The following NUDT3 variants were observed in gnomAD, a reference collection of about 807,000 sequenced individuals.
The protein encoded by NUDT3 is diphosphoinositol polyphosphate phosphohydrolase 1.
Under a neutral mutation model 23.6 loss-of-function variants are expected in NUDT3, and 9 were observed. The observed-to-expected ratio is 0.38, with a 90% confidence interval of 0.23 to 0.66. NUDT3 has a LOEUF of 0.66. Among genes scored for constraint, NUDT3 ranks in the 30% least tolerant of loss-of-function variants. The probability of loss-of-function intolerance (pLI) is 0.52; values close to 1 mark genes in which losing one functional copy is unlikely to be tolerated. For missense variants in NUDT3, 172 were observed against 218.5 expected (o/e 0.79, Z 1.34); for synonymous variants, 86 against 82.6 (o/e 1.04, Z -0.22).
intron 1 of NUDT3, among the ~76,000 whole-genome samples, chr6:34,358,707 G>T (rs372870419): frequency 6.6e-6 from 1 of 152,146 alleles, no homozygotes; most frequent in Admixed American, 6.6e-5. Flanking sequence ...CGCCTCACAG[G>T]GGGGCCAGAG....
At chr6:34,327,951 A>G (rs1200909339) in intron 2 of NUDT3, among the ~76,000 whole-genome samples, 1 of 152,170 alleles carries the variant, frequency 6.6e-6, no homozygotes, top group Non-Finnish European at 1.5e-5. Flanking sequence ...CTGACCCTGT[A>G]CCTGCCAGTT....
At chr6:34,330,348 G>A (rs1764108976) in intron 2 of NUDT3, among the ~76,000 whole-genome samples, 1 of 152,156 alleles carries the variant, frequency 6.6e-6, no homozygotes, top group South Asian at 2.1e-4. Context: ...CATTCTAACT[G>A]GTGTGAGATG....
At chr6:34,370,487 C>A (rs1419643598) in intron 1 of NUDT3, among the ~76,000 whole-genome samples, 1 of 152,182 alleles carries the variant, frequency 6.6e-6, no homozygotes, top group Non-Finnish European at 1.5e-5. Flanking sequence ...GGTCAGACAG[C>A]CACTCCTAAT....
intron 1 of NUDT3, among the ~76,000 whole-genome samples, chr6:34,343,551 A>C (rs1023103745): frequency 6.6e-6 from 1 of 152,034 alleles, no homozygotes; most frequent in Non-Finnish European, 1.5e-5. Context: ...CAAAAAAAAA[A>C]AAATCCTCTC....
chr6:34,345,333 C>A (rs942811446), intron 1 of NUDT3, among the ~76,000 whole-genome samples: 1 of 151,178 alleles, frequency 6.6e-6, no homozygotes, highest in African/African-American at 2.4e-5. Context: ...TGTAGGTGTG[C>A]GACCATGCCC....
At chr6:34,318,918 G>T (rs1240848100) in intron 2 of NUDT3, among the ~76,000 whole-genome samples, 1 of 151,976 alleles carries the variant, frequency 6.6e-6, no homozygotes, top group Non-Finnish European at 1.5e-5. Context: ...GCTTAGAAGT[G>T]AAAGTGCTAG....
At position 34,303,757 on chromosome 6, in the gene NUDT3, G is replaced by A. The variant is rs567139082; in HGVS notation, c.211-8072C>T. ...TTTCTAGTTTAATTATCGAGATCAG[G>A]GGTCAGCAAACTACAGCTTACAGGC... On this transcript the variant is annotated intron_variant, in intron 2 of 4. Coordinates refer to ENST00000607016, the MANE Select transcript of NUDT3 (RefSeq NM_006703.4). Among the ~76,000 whole-genome samples the A allele has an allele frequency of 5.3e-4, 81 of 152,114 alleles. No individual in the cohort carries two copies. In the South Asian group the frequency reaches 1.0e-2, roughly 19 times the overall value.
chr6:34,333,699 A>G (rs1319624014), intron 2 of NUDT3, among the ~76,000 whole-genome samples: 2 of 152,230 alleles, frequency 1.3e-5, no homozygotes, highest in Non-Finnish European at 1.5e-5. Context: ...GTACTTAACC[A>G]TGGGTTGCCA....
At chr6:34,297,730 AATATATATATAT>A (rs139306311) in intron 2 of NUDT3, among the ~76,000 whole-genome samples, 9 of 72,008 alleles carry the variant, frequency 1.2e-4, no homozygotes, top group Non-Finnish European at 1.6e-4. Context: ...AAAAAAAAAA[AATATATATATAT>A]ATATATATAT....
chr6:34,356,951 G>A (rs1446342288), intron 1 of NUDT3, among the ~76,000 whole-genome samples: 1 of 152,002 alleles, frequency 6.6e-6, no homozygotes, highest in Non-Finnish European at 1.5e-5. Context: ...CTAATTTTTT[G>A]TATTTTTAGT....
intron 1 of NUDT3, among the ~76,000 whole-genome samples, chr6:34,346,812 G>C (rs369229960): frequency 1.3e-5 from 2 of 152,028 alleles, no homozygotes; most frequent in Non-Finnish European, 2.9e-5. Context: ...CTGAAGCGCC[G>C]TGGCAGGATC....
intron 2 of NUDT3, among the ~76,000 whole-genome samples, 172 bp from the exon 3 acceptor site, chr6:34,295,857 A>T (rs1763491825): frequency 6.6e-6 from 1 of 152,090 alleles, no homozygotes; most frequent in Non-Finnish European, 1.5e-5. Flanking sequence ...CCGACTACTA[A>T]CCTGCTAACA....
chr6:34,306,128 C>G (rs1036665055), intron 2 of NUDT3, among the ~76,000 whole-genome samples: 81 of 152,306 alleles, frequency 5.3e-4, no homozygotes, highest in African/African-American at 1.8e-3. Context: ...TAGGGACTAT[C>G]AAGCACAAAA....
intron 2 of NUDT3, among the ~76,000 whole-genome samples, chr6:34,299,365 T>G (rs556164847): frequency 1.5e-4 from 23 of 152,220 alleles, no homozygotes; most frequent in Non-Finnish European, 2.9e-4. Flanking sequence ...TTAGTAGAGA[T>G]AATTCTTTCA....
intron 1 of NUDT3, among the ~76,000 whole-genome samples, chr6:34,386,507 T>G (rs1423565714): frequency 6.6e-6 from 1 of 152,180 alleles, no homozygotes; most frequent in Non-Finnish European, 1.5e-5. Context: ...AAATTTGCTA[T>G]GTTGACACAT....
chr6:34,316,780 G>A (rs1223374785), intron 2 of NUDT3, among the ~76,000 whole-genome samples: 1 of 152,202 alleles, frequency 6.6e-6, no homozygotes, highest in Non-Finnish European at 1.5e-5. Context: ...CAGTGAGAAA[G>A]AGAGGGGAGT....
At position 34,280,283 on chromosome 6, in the gene NUDT3, G is replaced by A. The variant is rs558550858; in HGVS notation, c.*8470C>T. ...CACGGGGAAGAGGCCAGCCCTGAGC[G>A]GGCAAGAAGAAAAGCTTGAACTTTC... On this transcript the variant is annotated 3_prime_UTR_variant, in exon 5 of 5. Transcript: ENST00000607016. The A allele has an allele frequency of 1.5e-4, 23 of 152,348 alleles. No homozygotes were observed. Among genetic ancestry groups the A allele is most frequent in the African/African-American group, 5.0e-4 (21 of 41,586 alleles). The allele number at this position is 152,348 out of a possible 1,614,324, so 9.4% of individuals were successfully genotyped here.
intron 2 of NUDT3, among the ~76,000 whole-genome samples, chr6:34,332,033 C>A (rs892249756): frequency 6.6e-5 from 10 of 152,098 alleles, no homozygotes; most frequent in African/African-American, 2.4e-4. Context: ...TGTCAACACG[C>A]CCAACTAATT....
intron 1 of NUDT3, among the ~76,000 whole-genome samples, chr6:34,359,995 G>A (rs190321369): frequency 1.4e-4 from 21 of 152,230 alleles, no homozygotes; most frequent in African/African-American, 4.8e-4. Context: ...CTGGGAGGCT[G>A]AAGTGAGCAG....
Sources: gnomAD v4.1 joint callset for allele counts (sites outside exome capture counted in the v4.1 genomes callset) on GRCh38, gnomAD v4.1.1 for gene constraint, MANE v1.5 for transcripts, NCBI Gene and HGNC (gene_info 2026-07-23, HGNC 2026-07-21) for gene names.